ADGRL1: variants seen among roughly 807,000 people sequenced by gnomAD.
The protein encoded by ADGRL1 is adhesion G protein-coupled receptor L1.
ADGRL1 carries 31 observed loss-of-function variants against 148.9 expected under a neutral mutation model. The observed-to-expected ratio is 0.21, with a 90% CI of 0.16 to 0.28. ADGRL1 has a LOEUF of 0.28. ADGRL1 is among the 10% of genes least tolerant of loss of function. The probability of loss-of-function intolerance (pLI) is 1.00; values close to 1 mark genes in which losing one functional copy is unlikely to be tolerated. For missense variants in ADGRL1, 1,521 were observed against 2,058.8 expected (o/e 0.74, Z 5.05); for synonymous variants, 937 against 900.3 (o/e 1.04, Z -0.73).
At chr19:14,202,037 C>G (rs1460976447) in intron 1 of ADGRL1, among the ~76,000 whole-genome samples, 1 of 152,074 alleles carries the variant, frequency 6.6e-6, no homozygotes, top group Non-Finnish European at 1.5e-5. Context: ...CGTGGCAGAA[C>G]AGCCAGTGCA....
At chr19:14,183,351 T>C (rs1326394408) in intron 2 of ADGRL1, among the ~76,000 whole-genome samples, 182 bp downstream of exon 2, 1 of 152,118 alleles carries the variant, frequency 6.6e-6, no homozygotes, top group Non-Finnish European at 1.5e-5. Flanking sequence ...CAGGGGCCTC[T>C]TGGTGGCACT....
chr19:14,175,603 TAC>T (rs911634973), intron 3 of ADGRL1, among the ~76,000 whole-genome samples: 13 of 151,676 alleles, frequency 8.6e-5, no homozygotes, highest in South Asian at 2.1e-4. Flanking sequence ...TACACACTCA[TAC>T]AGACACACTC....
chr19:14,152,665 C>G lies in ADGRL1; in HGVS notation c.3424-52G>C. On this transcript the variant is annotated intron_variant, in intron 19 of 22. Transcript: ENST00000361434. This position sits in a 1 kb window ranked among gnomAD's most constrained non-coding sequence, Gnocchi z 6.1. ...GATCCTTGGGCCACCCACCCTCTGGCGTCTTTCTGAGACTGCTCACCTGAT... is the reference window on the plus strand; with the variant it reads ...GATCCTTGGGCCACCCACCCTCTGGGGTCTTTCTGAGACTGCTCACCTGAT... The G allele has an allele frequency of 6.2e-7, 1 of 1,602,756 alleles. No individual in the cohort carries two copies. The highest frequency in any genetic ancestry group is 8.5e-7 in the Non-Finnish European group (1 of 1,170,642).
rs754818857 is a variant in ADGRL1, at chr19:14,163,231, G to A, written c.570C>T (p.Asp190=). The A allele has an allele frequency of 1.2e-6, 2 of 1,613,558 alleles. No individual in the cohort carries two copies. Among genetic ancestry groups the A allele is most frequent in the South Asian group, 2.2e-5 (2 of 91,084 alleles). ...DTLTEYASWE[D]YVAARHTTTY... is the part of the protein sequence containing the mutation. The stretch of plus-strand genomic sequence containing the variant: ...TGGTGGTGTGGCGGGCGGCCACGTA[G>A]TCCTCCCACGAGGCATACTCAGTCA... Residue 190 remains aspartate (D), a synonymous_variant, in exon 5 of 23, where the codon GAC becomes GAT. Coordinates refer to ENST00000361434, the MANE Select transcript of ADGRL1 (RefSeq NM_014921.5).
intron 4 of ADGRL1, among the ~76,000 whole-genome samples, chr19:14,167,753 G>A (rs141882015): frequency 0.012 from 1,810 of 151,962 alleles, 27 homozygotes; most frequent in African/African-American, 0.025. Flanking sequence ...TTGGGGAGAC[G>A]GAGGCAGAGA....
intron 4 of ADGRL1, among the ~76,000 whole-genome samples, chr19:14,166,029 C>T (rs1839324835): frequency 6.6e-6 from 1 of 152,110 alleles, no homozygotes; most frequent in Non-Finnish European, 1.5e-5. Context: ...CCAGTAATGG[C>T]CAGCCCCATC....
chr19:14,168,254 T>C (rs1205562628), intron 4 of ADGRL1, among the ~76,000 whole-genome samples: 2 of 151,820 alleles, frequency 1.3e-5, no homozygotes. Flanking sequence ...TCCCAGCGCC[T>C]CACCCAGGGC....
At chr19:14,199,276 T>C (rs1430728107) in intron 1 of ADGRL1, among the ~76,000 whole-genome samples, 9 of 152,132 alleles carry the variant, frequency 5.9e-5, no homozygotes, top group Admixed American at 1.3e-4. Context: ...TTTTCGGCAA[T>C]TCCACACATC....
intron 1 of ADGRL1, among the ~76,000 whole-genome samples, chr19:14,198,175 G>C (rs74183064): frequency 0.16 from 24,397 of 150,178 alleles, 2,401 homozygotes; most frequent in Non-Finnish European, 0.22. Context: ...CGGCTGGGGA[G>C]GGGGGTCACA....
chr19:14,191,277 A>G (rs1568626235), intron 1 of ADGRL1: 1 of 456,438 alleles, frequency 2.2e-6, no homozygotes, highest in South Asian at 1.5e-5. Context: ...GGCCTCTGCC[A>G]CCCTGTATTA....
Position 14,158,556 on chromosome 19 carries a change from G to T in ADGRL1, c.2150-4C>A, listed in dbSNP as rs1422510401. On this transcript the variant is annotated splice_polypyrimidine_tract_variant and splice_region_variant and intron_variant, in intron 11 of 22. Coordinates refer to ENST00000361434, the MANE Select transcript of ADGRL1 (RefSeq NM_014921.5). ...ATGAAGACAACTTTGACCACCCCTG[G>T]TGAGAACAGGCACGTTTGGATGTGT... 1 of 1,611,942 alleles carries T rather than the reference G, an allele frequency of 6.2e-7. No individual in the cohort carries two copies. The highest frequency in any genetic ancestry group is 2.2e-5 in the East Asian group (1 of 44,872).
At position 14,156,962 on chromosome 19, in the gene ADGRL1, C is replaced by T. The variant is rs560004956; in HGVS notation, c.2929G>A (p.Ala977Thr). 1 of 1,612,888 alleles carries T rather than the reference C, an allele frequency of 6.2e-7. No individual in the cohort carries two copies. The highest frequency in any genetic ancestry group is 2.2e-5 in the East Asian group (1 of 44,860). The change falls in exon 15 of 23, where the codon GCT becomes ACT. Residue 977 changes from alanine (A) to threonine (T), a missense_variant. Transcript: ENST00000361434. ...CFPALVVGIA[A>T]AIDYRSYGTE... is the part of the protein sequence containing the mutation. ...CCGTAGCTGCGGTAGTCAATGGCAG[C>T]CGCGATGCCCACCACCAGGGCCGGG...
intron 3 of ADGRL1, among the ~76,000 whole-genome samples, chr19:14,172,546 C>T (rs1599458104): frequency 6.6e-6 from 1 of 151,920 alleles, no homozygotes; most frequent in African/African-American, 2.4e-5. Context: ...TTGAGAGCAG[C>T]CTGGCCAACA....
At chr19:14,163,465 G>GGA (rs71170599) in intron 4 of ADGRL1, 59 bp from the exon 5 acceptor site, 77,263 of 694,862 alleles carry the variant, frequency 0.11, 1,547 homozygotes, top group East Asian at 0.12. Flanking sequence ...GCGAGAGGGA[G>GGA]GAGAGAGAGA....
chr19:14,177,253 C>T (rs561282238), intron 3 of ADGRL1, among the ~76,000 whole-genome samples: 2 of 152,098 alleles, frequency 1.3e-5, no homozygotes, highest in South Asian at 4.2e-4. Context: ...ACTGCCCTGG[C>T]TAATCTTGGG....
chr19:14,181,615 G>A (rs1169531629), intron 2 of ADGRL1, among the ~76,000 whole-genome samples: 1 of 152,132 alleles, frequency 6.6e-6, no homozygotes, highest in Non-Finnish European at 1.5e-5. Flanking sequence ...AGCTACTCGG[G>A]AGGCTGAGGC....
intron 1 of ADGRL1, among the ~76,000 whole-genome samples, chr19:14,205,413 A>C (rs1372381848): frequency 1.3e-5 from 2 of 151,520 alleles, no homozygotes; most frequent in Non-Finnish European, 2.9e-5. Flanking sequence ...GGACACCCAG[A>C]CGGACCCCTC....
chr19:14,169,236 T>A (rs1333498110), intron 4 of ADGRL1: 1 of 152,238 alleles, frequency 6.6e-6, no homozygotes, highest in Non-Finnish European at 1.5e-5. Context: ...AGGAGCGACT[T>A]TGTGGCCGGC....
chr19:14,164,879 G>A (rs572088975), intron 4 of ADGRL1, among the ~76,000 whole-genome samples: 8 of 152,208 alleles, frequency 5.3e-5, no homozygotes, highest in African/African-American at 7.2e-5. Flanking sequence ...CAGGATGGCC[G>A]GGCCTCCCTC....
Sources: gnomAD v4.1 joint callset for allele counts (sites outside exome capture counted in the v4.1 genomes callset) on GRCh38, gnomAD v4.1.1 for gene constraint, Gnocchi (gnomAD v3.1) non-coding constraint, MANE v1.5 for transcripts, NCBI Gene and HGNC (gene_info 2026-07-23, HGNC 2026-07-21) for gene names.